DSCAM: variants seen among roughly 807,000 people sequenced by gnomAD.
DSCAM encodes the protein DS cell adhesion molecule, also known as cell adhesion molecule DSCAM.
In DSCAM, 47 loss-of-function variants were observed where a neutral mutation model predicts 217.7. The ratio of observed to expected loss-of-function variants is 0.22; its 90% CI spans 0.17 to 0.28. The LOEUF (loss-of-function observed/expected upper bound fraction) is 0.28, where lower values mean the gene tolerates loss of function less well. Among genes scored for constraint, DSCAM ranks in the 10% least tolerant of loss-of-function variants. The pLI, the probability that DSCAM is intolerant of heterozygous loss-of-function variation, is 1.00. For missense variants in DSCAM, 2,080 were observed against 2,618.3 expected (o/e 0.79, Z 4.49); for synonymous variants, 1,056 against 1,015.3 (o/e 1.04, Z -0.76).
intron 7 of DSCAM, among the ~76,000 whole-genome samples, chr21:40,338,874 G>C (rs1403163539): frequency 1.3e-5 from 2 of 152,066 alleles, no homozygotes; most frequent in Non-Finnish European, 2.9e-5. Flanking sequence ...GCATAAACCA[G>C]GAAAGGAAAC....
chr21:40,609,237 G>A (rs374355155), intron 3 of DSCAM, among the ~76,000 whole-genome samples: 15 of 152,320 alleles, frequency 9.8e-5, no homozygotes, highest in African/African-American at 3.4e-4. Context: ...CTACAGGCAT[G>A]AGCCACCGCG....
chr21:40,128,058 G>A (rs2090114593), intron 19 of DSCAM, among the ~76,000 whole-genome samples: 1 of 151,466 alleles, frequency 6.6e-6, no homozygotes, highest in African/African-American at 2.4e-5. Flanking sequence ...CACCAGCTTA[G>A]GTCAGGTCAG....
chr21:40,120,098 T>C (rs1014625803), intron 20 of DSCAM, among the ~76,000 whole-genome samples: 2 of 152,132 alleles, frequency 1.3e-5, no homozygotes, highest in Non-Finnish European at 2.9e-5. Context: ...AATTCTAAGT[T>C]ATGGGCTACA....
chr21:40,821,393 GCACACACA>G (rs146285607), intron 1 of DSCAM, among the ~76,000 whole-genome samples: 1 of 146,164 alleles, frequency 6.8e-6, no homozygotes, highest in Admixed American at 6.9e-5. Context: ...ACACACGCGC[GCACACACA>G]CACACACACA....
At chr21:40,688,100 T>C (rs945955456) in intron 3 of DSCAM, among the ~76,000 whole-genome samples, 4 of 152,208 alleles carry the variant, frequency 2.6e-5, no homozygotes, top group African/African-American at 9.7e-5. Flanking sequence ...TCATCACTAA[T>C]AGAGGTATTC....
chr21:40,052,158 A>G, intron 29 of DSCAM, 51 bp from the exon 30 acceptor site: 1 of 1,599,260 alleles, frequency 6.3e-7, no homozygotes, highest in East Asian at 2.2e-5. Context: ...CTCCCTTCCA[A>G]CCACTCCCTG....
Position 40,708,788 on chromosome 21 carries a change from C to A in DSCAM, c.44-17G>T. 2 of 1,512,924 alleles carry A rather than the reference C, an allele frequency of 1.3e-6. No individual in the cohort carries two copies. The highest frequency in any genetic ancestry group is 2.0e-5 in the Admixed American group (1 of 50,464). The allele number at this position is 1,512,924 out of a possible 1,614,324, so 93.7% of individuals were successfully genotyped here. On this transcript the variant is annotated splice_polypyrimidine_tract_variant and intron_variant, in intron 1 of 32. Transcript: ENST00000400454. The stretch of plus-strand genomic sequence containing the variant: ...CACTGAAAACTGCAAGAAGACAACA[C>A]AGGGATCCATAGGTGAGTAAAACAT...
intron 1 of DSCAM, among the ~76,000 whole-genome samples, chr21:40,746,964 CAG>C (rs938971940): frequency 5.3e-5 from 8 of 151,940 alleles, no homozygotes; most frequent in Non-Finnish European, 1.0e-4. Context: ...TCCTGAGCAA[CAG>C]AGGAGTTAGT....
intron 1 of DSCAM, among the ~76,000 whole-genome samples, chr21:40,728,419 C>CT (rs55816910): frequency 0.056 from 8,125 of 145,552 alleles, 698 homozygotes; most frequent in African/African-American, 0.19. Flanking sequence ...ATAAATGATT[C>CT]TTTTTTTTTT....
intron 21 of DSCAM, among the ~76,000 whole-genome samples, chr21:40,090,793 C>A (rs753447761): frequency 1.2e-4 from 18 of 152,208 alleles, no homozygotes; most frequent in African/African-American, 4.8e-5. Flanking sequence ...CTCTTGAGAG[C>A]CAGGACATGC....
chr21:40,642,055 A>AC (rs1232828807), intron 3 of DSCAM, among the ~76,000 whole-genome samples: 1 of 146,608 alleles, frequency 6.8e-6, no homozygotes, highest in Non-Finnish European at 1.5e-5. Flanking sequence ...AAAAAAAAAA[A>AC]AAAACAAAGA....
At chr21:40,679,484 G>A (rs954005058) in intron 3 of DSCAM, among the ~76,000 whole-genome samples, 2 of 152,202 alleles carry the variant, frequency 1.3e-5, no homozygotes, top group Admixed American at 1.3e-4. Flanking sequence ...TCTGTAAAGT[G>A]GGGCCGACAA....
intron 3 of DSCAM, among the ~76,000 whole-genome samples, chr21:40,635,032 C>T (rs895104832): frequency 1.3e-5 from 2 of 152,136 alleles, no homozygotes; most frequent in Admixed American, 1.3e-4. Context: ...GTCTTCCAGC[C>T]CCTGGAATAG....
At chr21:40,055,935 A>C in intron 28 of DSCAM, 95 bp from the exon 29 acceptor site, 1 of 849,308 alleles carries the variant, frequency 1.2e-6, no homozygotes, top group Non-Finnish European at 2.0e-6. Flanking sequence ...TATTGTCTAA[A>C]TATACAAATA....
At chr21:40,486,404 G>C (rs778145553) in intron 3 of DSCAM, among the ~76,000 whole-genome samples, 2 of 151,934 alleles carry the variant, frequency 1.3e-5, no homozygotes, top group Non-Finnish European at 2.9e-5. Context: ...CTGGCATGGA[G>C]TATTTACTCA....
intron 5 of DSCAM, among the ~76,000 whole-genome samples, chr21:40,348,687 G>A (rs73355342): frequency 0.02 from 3,097 of 152,192 alleles, 101 homozygotes; most frequent in African/African-American, 0.071. Flanking sequence ...CATGCAGTTC[G>A]TATCAGCCAC....
At chr21:40,813,549 G>T (rs1045759859) in intron 1 of DSCAM, among the ~76,000 whole-genome samples, 1 of 151,112 alleles carries the variant, frequency 6.6e-6, no homozygotes, top group Non-Finnish European at 1.5e-5. Context: ...TTAAATTTCC[G>T]TCTTGATTTC....
At chr21:40,714,422 G>T (rs2090818367) in intron 1 of DSCAM, among the ~76,000 whole-genome samples, 1 of 152,182 alleles carries the variant, frequency 6.6e-6, no homozygotes, top group Non-Finnish European at 1.5e-5. Context: ...TGAGGCCCTG[G>T]GGACCCAATC....
At chr21:40,050,945 G>T (rs1426290066) in intron 30 of DSCAM, among the ~76,000 whole-genome samples, 1 of 152,190 alleles carries the variant, frequency 6.6e-6, no homozygotes, top group African/African-American at 2.4e-5. Flanking sequence ...GAATATTCTT[G>T]AAAACATTTT....
Sources: allele counts gnomAD v4.1 joint callset (sites outside exome capture counted in the v4.1 genomes callset), GRCh38; gene constraint gnomAD v4.1.1; transcripts MANE v1.5; gene names NCBI Gene and HGNC (gene_info 2026-07-23, HGNC 2026-07-21).